KHDRBS2: variants seen among roughly 807,000 people sequenced by gnomAD.
KHDRBS2 encodes the protein KH RNA binding domain containing, signal transduction associated 2, also known as KH domain-containing, RNA-binding, signal transduction-associated protein 2.
Under a neutral mutation model 44.3 loss-of-function variants are expected in KHDRBS2, and 26 were observed. The ratio of observed to expected loss-of-function variants is 0.59; its 90% CI spans 0.43 to 0.81. The LOEUF (loss-of-function observed/expected upper bound fraction) is 0.81, where lower values mean the gene tolerates loss of function less well. KHDRBS2 is among the 40% of genes least tolerant of loss of function. The pLI is 0.00. For missense variants in KHDRBS2, 476 were observed against 433.1 expected (o/e 1.10, Z -0.88); for synonymous variants, 194 against 151.1 (o/e 1.28, Z -2.08).
chr6:61,546,720 C>A, the KHDRBS2 span, among the ~76,000 whole-genome samples: 1 of 151,998 alleles, frequency 6.6e-6, no homozygotes, highest in Non-Finnish European at 1.5e-5. Context: ...AATAAATATT[C>A]TCAAAGCAAA....
At chr6:61,683,423 C>G (rs1239495457) in intron 8 of KHDRBS2, among the ~76,000 whole-genome samples, 1 of 151,728 alleles carries the variant, frequency 6.6e-6, no homozygotes, top group African/African-American at 2.4e-5. Flanking sequence ...ACTGTTGTTT[C>G]CCAAGTGCCT....
intron 4 of KHDRBS2, among the ~76,000 whole-genome samples, chr6:61,963,197 A>G (rs1769143110): frequency 6.6e-6 from 1 of 152,100 alleles, no homozygotes; most frequent in African/African-American, 2.4e-5. Context: ...TCTAAACATG[A>G]GATAAACTCC....
the KHDRBS2 span, among the ~76,000 whole-genome samples, chr6:61,670,865 G>A: frequency 1.3e-5 from 2 of 151,428 alleles, no homozygotes; most frequent in Admixed American, 6.6e-5. Context: ...GGTTTACAAT[G>A]GACACGTATT....
intron 6 of KHDRBS2, among the ~76,000 whole-genome samples, chr6:61,737,122 T>C (rs1775485995): frequency 6.6e-6 from 1 of 152,128 alleles, no homozygotes; most frequent in African/African-American, 2.4e-5. Context: ...TTTCAAATGA[T>C]AAATATATAG....
intron 6 of KHDRBS2, among the ~76,000 whole-genome samples, chr6:61,776,358 T>C (rs1365312852): frequency 1.3e-5 from 2 of 151,982 alleles, no homozygotes; most frequent in Admixed American, 1.3e-4. Flanking sequence ...ACAGGCAACC[T>C]ACAAAATGGG....
chr6:62,247,157 T>G (rs1835716384), intron 1 of KHDRBS2, among the ~76,000 whole-genome samples: 1 of 151,994 alleles, frequency 6.6e-6, no homozygotes, highest in African/African-American at 2.4e-5. Context: ...CATTTAAAAA[T>G]CTACCTACTA....
At chr6:61,863,040 C>T (rs1797234458) in intron 6 of KHDRBS2, among the ~76,000 whole-genome samples, 1 of 151,954 alleles carries the variant, frequency 6.6e-6, no homozygotes, top group Non-Finnish European at 1.5e-5. Context: ...CCTATTTATC[C>T]ATTTTTTCCT....
the KHDRBS2 span, among the ~76,000 whole-genome samples, chr6:61,625,241 C>T: frequency 5.3e-5 from 8 of 151,354 alleles, no homozygotes; most frequent in Admixed American, 3.3e-4. Context: ...CGAGCAGGAC[C>T]TCTGGGACTA....
chr6:61,726,012 C>T (rs1005547379), intron 7 of KHDRBS2, among the ~76,000 whole-genome samples: 5 of 152,106 alleles, frequency 3.3e-5, no homozygotes, highest in Admixed American at 3.3e-4. Flanking sequence ...AAACTTCAGG[C>T]CAATATCCCT....
chr6:62,237,977 TGCAGTGA>T (rs150187166), intron 1 of KHDRBS2, among the ~76,000 whole-genome samples: 5,653 of 150,528 alleles, frequency 0.038, 296 homozygotes, highest in African/African-American at 0.13. Context: ...AGGCGGAGGT[TGCAGTGA>T]GCAGTGAGCA....
intron 7 of KHDRBS2, among the ~76,000 whole-genome samples, chr6:61,727,360 A>C (rs1773741592): frequency 6.6e-6 from 1 of 152,226 alleles, no homozygotes; most frequent in African/African-American, 2.4e-5. Flanking sequence ...TATTCAGGAC[A>C]TAGACACAGG....
intron 6 of KHDRBS2, among the ~76,000 whole-genome samples, chr6:61,859,963 G>A (rs1796682133): frequency 6.6e-6 from 1 of 151,796 alleles, no homozygotes; most frequent in Non-Finnish European, 1.5e-5. Context: ...AGAGGAATAT[G>A]GGACATTATT....
chr6:61,731,129 A>G (rs73759522), intron 7 of KHDRBS2, among the ~76,000 whole-genome samples: 8,919 of 152,106 alleles, frequency 0.059, 440 homozygotes, highest in African/African-American at 0.13. Flanking sequence ...TGTTATCACT[A>G]TTTTTATGTG....
At chr6:62,254,090 C>G (rs1252463239) in intron 1 of KHDRBS2, among the ~76,000 whole-genome samples, 2 of 151,978 alleles carry the variant, frequency 1.3e-5, no homozygotes, top group African/African-American at 4.8e-5. Flanking sequence ...AAAGTAGGAA[C>G]AGTGTTGAAA....
intron 2 of KHDRBS2, among the ~76,000 whole-genome samples, chr6:62,158,922 T>C (rs1197257194): frequency 6.6e-6 from 1 of 152,128 alleles, no homozygotes; most frequent in African/African-American, 2.4e-5. Context: ...TCCAGCCTAC[T>C]GTGAGATAAA....
chr6:61,723,168 C>CAAAA (rs1772976310), intron 7 of KHDRBS2, among the ~76,000 whole-genome samples: 1 of 151,504 alleles, frequency 6.6e-6, no homozygotes, highest in South Asian at 2.1e-4. Context: ...AACAAACAAA[C>CAAAA]AAACAAACAA....
chr6:61,615,233 CAAA>C, the KHDRBS2 span, among the ~76,000 whole-genome samples: 1 of 58,594 alleles, frequency 1.7e-5, no homozygotes, highest in African/African-American at 6.6e-5. Context: ...ACTCCATCTC[CAAA>C]AAAAAAAAAA....
intron 6 of KHDRBS2, among the ~76,000 whole-genome samples, chr6:61,833,716 GA>G (rs1792199226): frequency 6.6e-6 from 1 of 152,040 alleles, no homozygotes; most frequent in African/African-American, 2.4e-5. Flanking sequence ...ATTTTGGTGT[GA>G]AAAATACTAT....
At chr6:62,086,530 T>G (rs1798405950) in intron 2 of KHDRBS2, among the ~76,000 whole-genome samples, 1 of 152,078 alleles carries the variant, frequency 6.6e-6, no homozygotes, top group African/African-American at 2.4e-5. Flanking sequence ...CCTGGAATGC[T>G]CTCATAAATA....
Sources: allele counts gnomAD v4.1 joint callset (sites outside exome capture counted in the v4.1 genomes callset), GRCh38; gene constraint gnomAD v4.1.1; transcripts MANE v1.5; gene names NCBI Gene and HGNC (gene_info 2026-07-23, HGNC 2026-07-21).